MYO5A: variants seen among roughly 807,000 people sequenced by gnomAD.
MYO5A encodes unconventional myosin-Va.
In MYO5A, 98 loss-of-function variants were observed where a neutral mutation model predicts 249.7. That is an observed-to-expected ratio of 0.39 (90% confidence interval 0.33 to 0.46). The LOEUF (loss-of-function observed/expected upper bound fraction) is 0.46. MYO5A is among the 20% of genes least tolerant of loss of function. The probability of loss-of-function intolerance (pLI) is 0.98; values close to 1 mark genes in which losing one functional copy is unlikely to be tolerated. For missense variants in MYO5A, 1,696 were observed against 2,308.8 expected (o/e 0.73, Z 5.44); for synonymous variants, 778 against 810.6 (o/e 0.96, Z 0.68).
chr15:52,323,943 G>A (rs2038456493), intron 36 of MYO5A: 1 of 173,426 alleles, frequency 5.8e-6, no homozygotes, highest in African/African-American at 2.5e-5. Context: ...GGCGGAGATT[G>A]TAGTGAGCCA....
chr15:52,523,722 G>A (rs896193206), intron 1 of MYO5A, among the ~76,000 whole-genome samples: 2 of 152,132 alleles, frequency 1.3e-5, no homozygotes, highest in African/African-American at 2.4e-5. Flanking sequence ...AGATACGGAG[G>A]TTTCCAAGCT....
intron 1 of MYO5A, chr15:52,505,456 A>G: frequency 1.1e-6 from 1 of 947,248 alleles, no homozygotes; most frequent in East Asian, 2.4e-5. Context: ...CACTACAGGA[A>G]GTGGAGCTAC....
intron 1 of MYO5A, among the ~76,000 whole-genome samples, chr15:52,521,185 G>T (rs547063550): frequency 1.4e-5 from 2 of 148,092 alleles, no homozygotes; most frequent in Non-Finnish European, 3.0e-5. Context: ...CTGAGATCAC[G>T]CCACTGCACT....
chr15:52,369,545 C>T (rs144855288), intron 22 of MYO5A, among the ~76,000 whole-genome samples: 27 of 152,230 alleles, frequency 1.8e-4, no homozygotes, highest in African/African-American at 5.8e-4. Context: ...GTTCCATCTG[C>T]GTAAAGCTGT....
intron 21 of MYO5A, 124 bp downstream of exon 21, chr15:52,372,000 T>C (rs1567061574): frequency 2.1e-6 from 3 of 1,405,868 alleles, no homozygotes; most frequent in East Asian, 2.3e-5. Context: ...TGGAAATAAA[T>C]ACGGTCATAA....
chr15:52,455,065 C>A (rs1222849584), intron 1 of MYO5A, among the ~76,000 whole-genome samples: 12 of 150,934 alleles, frequency 8.0e-5, no homozygotes, highest in African/African-American at 2.9e-4. Context: ...ATTGACAAAC[C>A]TTGACCAAGG....
At position 52,360,087 on chromosome 15, in the gene MYO5A, A is replaced by C; in HGVS notation, c.3310-6T>G. On this transcript the variant is annotated splice_region_variant and splice_polypyrimidine_tract_variant and intron_variant, in intron 24 of 41. Transcript: ENST00000399233. The stretch of plus-strand genomic sequence containing the variant: ...TGTCCAGGCTTAGGCACATGCTGCA[A>C]GGCAAATAACCCAGGTATAATTAAT... The C allele has an allele frequency of 1.3e-6, 2 of 1,585,618 alleles. No individual in the cohort carries two copies. Among genetic ancestry groups the C allele is most frequent in the Non-Finnish European group, 1.7e-6 (2 of 1,154,770 alleles).
Position 52,354,021 on chromosome 15 carries a change from C to T in MYO5A, c.3424-7G>A. The T allele has an allele frequency of 2.5e-6, 4 of 1,614,094 alleles. No homozygotes were observed. Among genetic ancestry groups the T allele is most frequent in the Non-Finnish European group, 2.5e-6 (3 of 1,180,012 alleles). ...CCTTCTTCTCACTTGGTTCCTAAACCCCAGGAATCACAAAGATGGTCAAGA... is the reference window on the plus strand; with the variant it reads ...CCTTCTTCTCACTTGGTTCCTAAACTCCAGGAATCACAAAGATGGTCAAGA... On this transcript the variant is annotated splice_polypyrimidine_tract_variant and splice_region_variant and intron_variant, in intron 25 of 41. Transcript: ENST00000399233.
At chr15:52,460,538 C>T (rs559662402) in intron 1 of MYO5A, among the ~76,000 whole-genome samples, 125 of 152,294 alleles carry the variant, frequency 8.2e-4, no homozygotes, top group African/African-American at 2.9e-3. Context: ...CCCAGGCACT[C>T]GGCAGGCTGA....
intron 1 of MYO5A, among the ~76,000 whole-genome samples, chr15:52,488,854 A>G (rs1035519560): frequency 6.6e-6 from 1 of 152,242 alleles, no homozygotes; most frequent in Non-Finnish European, 1.5e-5. Context: ...ACACTTAATA[A>G]CAAATAATAT....
chr15:52,502,316 A>AT (rs2087830441), intron 1 of MYO5A, among the ~76,000 whole-genome samples: 1 of 152,168 alleles, frequency 6.6e-6, no homozygotes, highest in Admixed American at 6.5e-5. Context: ...ACATACATAA[A>AT]TTTTTGAAAT....
chr15:52,396,266 T>C lies in MYO5A; in HGVS notation c.1401+50A>G, dbSNP rs568204381. 41 of 1,103,060 alleles carry C rather than the reference T, an allele frequency of 3.7e-5. No individual in the cohort carries two copies. The South Asian group carries it at 5.5e-4, about 15-fold the overall frequency. The allele number at this position is 1,103,060 out of a possible 1,614,324, so 68.3% of individuals were successfully genotyped here. Reference sequence around the variant, plus strand: ...AAGCTTTTAAACAAAGACTAGGAATTCAAGAGAATAATTTATAGCAGAGTA... The same window carrying C: ...AAGCTTTTAAACAAAGACTAGGAATCCAAGAGAATAATTTATAGCAGAGTA... On this transcript the variant is annotated intron_variant, in intron 11 of 41. Transcript: ENST00000399233.
chr15:52,398,673 T>G (rs7176830), intron 9 of MYO5A, among the ~76,000 whole-genome samples: 30,191 of 152,186 alleles, frequency 0.2, 3,868 homozygotes, highest in East Asian at 0.57. Flanking sequence ...TATATGTATG[T>G]ATTTAGAATT....
chr15:52,508,232 A>G (rs1036587584), intron 1 of MYO5A, among the ~76,000 whole-genome samples: 1 of 152,328 alleles, frequency 6.6e-6, no homozygotes, highest in East Asian at 1.9e-4. Flanking sequence ...TTCTTTTCAT[A>G]GTATTTCTGG....
rs561617947 is a variant in MYO5A at position 52,401,134 on chromosome 15, G to A, written c.1054-3668C>T. ...CCTCCAGGCTGGAGTGCAGTGGCGC[G>A]ATCTTGGCTCACTGTAACCTCCACC... On this transcript the variant is annotated intron_variant, in intron 9 of 41. Coordinates refer to ENST00000399233, the MANE Select transcript of MYO5A (RefSeq NM_001382347.1). Among the ~76,000 whole-genome samples, 55 of 144,140 alleles carry A rather than the reference G, an allele frequency of 3.8e-4. 1 individual carries two copies. In the East Asian group the frequency reaches 6.5e-3, roughly 17 times the overall value. 94.6% of individuals were successfully genotyped at this position (144,140 alleles called of 152,430 possible).
At chr15:52,361,671 C>A (rs981401962) in intron 24 of MYO5A, among the ~76,000 whole-genome samples, 1 of 152,192 alleles carries the variant, frequency 6.6e-6, no homozygotes, top group Non-Finnish European at 1.5e-5. Context: ...AACAAGCATT[C>A]AATGAATGTT....
chr15:52,517,018 A>G (rs1230438349), intron 1 of MYO5A, among the ~76,000 whole-genome samples: 3 of 152,372 alleles, frequency 2.0e-5, no homozygotes, highest in African/African-American at 4.8e-5. Context: ...AGCAGTTTCA[A>G]TTTTTAAAAG....
In MYO5A at chr15:52,319,204, T is replaced by C. The variant is rs762258888; in HGVS notation, c.5090A>G (p.His1697Arg). The C allele has an allele frequency of 1.2e-6, 2 of 1,613,922 alleles. No homozygotes were observed. Residue 1697 changes from histidine (H) to arginine (R), a missense_variant, in exon 39 of 42, where the codon CAC becomes CGC. His to Arg is a conservative substitution (Grantham distance 29, BLOSUM62 0). Transcript: ENST00000399233. The part of the protein sequence containing the change: ...DSILRQLNSF[H>R]SVMCQHGMDP... ...CATGCCATGCTGACACATGACCGAG[T>C]GGAAGGAGTTGAGCTGCCGGAGGAT...
chr15:52,332,915 A>T (rs1053586640), intron 34 of MYO5A, among the ~76,000 whole-genome samples: 4 of 152,214 alleles, frequency 2.6e-5, no homozygotes, highest in African/African-American at 9.6e-5. Flanking sequence ...CAGTGAGCCG[A>T]GATCACGCCA....
Sources: allele counts gnomAD v4.1 joint callset (sites outside exome capture counted in the v4.1 genomes callset), GRCh38; gene constraint gnomAD v4.1.1; transcripts MANE v1.5; gene names NCBI Gene and HGNC (gene_info 2026-07-23, HGNC 2026-07-21).